Variants in CACNA1E observed in about 807,000 individuals in gnomAD.
CACNA1E encodes calcium voltage-gated channel subunit alpha1 E.
CACNA1E carries 40 observed loss-of-function variants against 259.2 expected under a neutral mutation model. The ratio of observed to expected loss-of-function variants is 0.15; its 90% CI spans 0.12 to 0.20. CACNA1E has a LOEUF of 0.20. Among genes scored for constraint, CACNA1E ranks in the 10% least tolerant of loss-of-function variants. The pLI, the probability that CACNA1E is intolerant of heterozygous loss-of-function variation, is 1.00. For synonymous variants in CACNA1E, 1,104 were observed against 1,138.5 expected (o/e 0.97, Z 0.61); for missense variants, 1,874 against 3,040.1 (o/e 0.62, Z 9.02).
chr1:181,503,974 C>T (rs149021993), intron 1 of CACNA1E, among the ~76,000 whole-genome samples: 1 of 152,122 alleles, frequency 6.6e-6, no homozygotes, highest in African/African-American at 2.4e-5. Flanking sequence ...TGTAAAATGT[C>T]TATTTGGTGT....
intron 18 of CACNA1E, among the ~76,000 whole-genome samples, chr1:181,726,757 A>G (rs1229591551): frequency 6.6e-6 from 1 of 152,072 alleles, no homozygotes; most frequent in Non-Finnish European, 1.5e-5. Flanking sequence ...AGCATAATGG[A>G]CTGTAGGGGC....
intron 1 of CACNA1E, among the ~76,000 whole-genome samples, chr1:181,509,798 G>A (rs976185222): frequency 2.0e-5 from 3 of 152,172 alleles, no homozygotes; most frequent in Non-Finnish European, 2.9e-5. Flanking sequence ...TTCCAGACTC[G>A]TGATCAGTCT....
At chr1:181,637,347 A>G (rs966585510) in intron 6 of CACNA1E, among the ~76,000 whole-genome samples, 4 of 151,774 alleles carry the variant, frequency 2.6e-5, no homozygotes, top group Admixed American at 1.3e-4. Flanking sequence ...TAGTGGTGGG[A>G]AAAAAAACAC....
At chr1:181,342,860 A>G (rs941638336) in intron 1 of CACNA1E, among the ~76,000 whole-genome samples, 7 of 152,072 alleles carry the variant, frequency 4.6e-5, no homozygotes, top group African/African-American at 1.7e-4. Context: ...CTCACTTCGT[A>G]TGGTTTTGTT....
intron 47 of CACNA1E, among the ~76,000 whole-genome samples, chr1:181,797,982 A>G (rs555131913): frequency 5.0e-4 from 76 of 152,226 alleles, no homozygotes; most frequent in African/African-American, 1.8e-3. Flanking sequence ...TGCCACCCCT[A>G]GCATCACCTG....
intron 1 of CACNA1E, among the ~76,000 whole-genome samples, chr1:181,389,359 G>C (rs561808016): frequency 2.0e-4 from 30 of 152,316 alleles, no homozygotes; most frequent in African/African-American, 5.3e-4. Context: ...GAGACTTCGT[G>C]TTACCTGTCT....
chr1:181,434,355 A>G (rs2102265591), intron 2 of CACNA1E, among the ~76,000 whole-genome samples: 1 of 152,060 alleles, frequency 6.6e-6, no homozygotes, highest in South Asian at 2.1e-4. Flanking sequence ...TAATCAGTTT[A>G]TCAGTAACAA....
rs368933098 is a variant in CACNA1E at position 181,796,864 on chromosome 1, C to T, written c.6399+6C>T. ...CACAGACGCCCAACAGACAGGTGAG[C>T]GCAGAGAGGAAGCCAGTCTACAGCA... On this transcript the variant is annotated splice_donor_region_variant and intron_variant, in intron 47 of 47. Transcript: ENST00000367573. 57 of 1,576,560 alleles carry T rather than the reference C, an allele frequency of 3.6e-5. No individual in the cohort carries two copies. Among genetic ancestry groups the T allele is most frequent in the Middle Eastern group, 1.7e-4 (1 of 5,914 alleles).
At chr1:181,711,105 G>A (rs1454995230) in intron 8 of CACNA1E, 36 bp downstream of exon 8, 11 of 1,408,582 alleles carry the variant, frequency 7.8e-6, no homozygotes, top group South Asian at 3.4e-5. Flanking sequence ...TGGTGAGTGG[G>A]CTGCAGAGAC....
chr1:181,532,526 A>G lies in CACNA1E; in HGVS notation c.512+21016A>G, dbSNP rs146946649. ...CCAGGGGCAGAGCACGTTGCACCTG[A>G]TCTTTCTCTCATGTTCTCTCAAAGA... On this transcript the variant is annotated intron_variant, in intron 3 of 47. Transcript: ENST00000367573. Among the ~76,000 whole-genome samples, 181 of 152,316 alleles carry G rather than the reference A, an allele frequency of 1.2e-3. 1 individual carries two copies. The highest frequency in any genetic ancestry group is 4.3e-3 in the African/African-American group (178 of 41,566).
rs150684330 is a variant in CACNA1E at position 181,432,468 on chromosome 1, C to G, written c.434+18888C>G. ...AAAATAAATAAATAAAATAAAATAA[C>G]AAAAAAATGTTTTCACAAAGACAGT... On this transcript the variant is annotated intron_variant, in intron 2 of 11. Coordinates refer to the CACNA1E transcript ENST00000524607. Among the ~76,000 whole-genome samples, 487 of 151,764 alleles carry G rather than the reference C, an allele frequency of 3.2e-3. 4 individuals carry two copies. Among genetic ancestry groups the G allele is most frequent in the African/African-American group, 0.011 (460 of 41,422 alleles).
chr1:181,645,712 A>G (rs1033850351), intron 6 of CACNA1E, among the ~76,000 whole-genome samples: 2 of 152,218 alleles, frequency 1.3e-5, no homozygotes, highest in Non-Finnish European at 2.9e-5. Flanking sequence ...TTGTGTGCTC[A>G]CTTGCTTCAT....
At chr1:181,722,601 G>A (rs541540162) in intron 16 of CACNA1E, among the ~76,000 whole-genome samples, 1 of 152,292 alleles carries the variant, frequency 6.6e-6, no homozygotes, top group East Asian at 1.9e-4. Flanking sequence ...ACTGAAAGGA[G>A]AATAATAATA....
chr1:181,414,987 T>C (rs1177025092), intron 2 of CACNA1E, among the ~76,000 whole-genome samples: 3 of 152,220 alleles, frequency 2.0e-5, no homozygotes, highest in African/African-American at 7.2e-5. Context: ...ACCTAATTAG[T>C]GGTGTGACCT....
At chr1:181,341,790 G>C (rs757299470) in intron 1 of CACNA1E, among the ~76,000 whole-genome samples, 13 of 152,118 alleles carry the variant, frequency 8.5e-5, no homozygotes, top group Non-Finnish European at 1.8e-4. Context: ...CTACTTACAT[G>C]GCTATTTTTC....
intron 6 of CACNA1E, among the ~76,000 whole-genome samples, chr1:181,639,629 A>G (rs1657571207): frequency 6.6e-6 from 1 of 152,228 alleles, no homozygotes; most frequent in South Asian, 2.1e-4. Context: ...TGAACGGCAG[A>G]GAGAGCTATG....
chr1:181,612,532 T>C (rs1395595379), intron 6 of CACNA1E, among the ~76,000 whole-genome samples: 3 of 152,180 alleles, frequency 2.0e-5, no homozygotes, highest in African/African-American at 4.8e-5. Flanking sequence ...CTGGAGTAGA[T>C]AGAGTTTACT....
chr1:181,655,536 A>G (rs1659136602), intron 7 of CACNA1E, among the ~76,000 whole-genome samples: 1 of 152,208 alleles, frequency 6.6e-6, no homozygotes, highest in East Asian at 1.9e-4. Context: ...GTTTTTTAGG[A>G]TGGGATCACA....
intron 35 of CACNA1E, among the ~76,000 whole-genome samples, chr1:181,769,739 G>T (rs1028262700): frequency 6.6e-6 from 1 of 152,160 alleles, no homozygotes; most frequent in Non-Finnish European, 1.5e-5. Flanking sequence ...ACCTCCAGAA[G>T]TGTCATAGGG....
Sources: allele counts gnomAD v4.1 joint callset (sites outside exome capture counted in the v4.1 genomes callset), GRCh38; gene constraint gnomAD v4.1.1; transcripts MANE v1.5; gene names NCBI Gene and HGNC (gene_info 2026-07-23, HGNC 2026-07-21).